Variants in MAP2 observed in about 807,000 individuals in gnomAD.
MAP2 encodes microtubule associated protein 2.
A neutral mutation model predicts 137.6 loss-of-function variants in MAP2; 14 were observed. That is an observed-to-expected ratio of 0.10 (90% CI 0.07 to 0.16). The LOEUF (loss-of-function observed/expected upper bound fraction) is 0.16, where lower values mean the gene tolerates loss of function less well. Ranked by LOEUF, MAP2 falls within the 10% of genes least tolerant of loss-of-function variation. The pLI is 1.00. For synonymous variants in MAP2, 786 were observed against 782.3 expected (o/e 1.00, Z -0.08); for missense variants, 2,088 against 2,191.5 (o/e 0.95, Z 0.94).
intron 2 of MAP2, among the ~76,000 whole-genome samples, chr2:209,513,620 C>G (rs187106852): frequency 6.7e-6 from 1 of 150,306 alleles, no homozygotes; most frequent in African/African-American, 2.4e-5. Context: ...CCCTATCTTT[C>G]TCTCTTGAAA....
intron 15 of MAP2, 69 bp from the exon 16 acceptor site, chr2:209,730,112 GA>G: frequency 7.6e-7 from 1 of 1,315,524 alleles, no homozygotes; most frequent in Non-Finnish European, 1.1e-6. Context: ...TCAGCCCTGG[GA>G]GATGGAGAAA....
intron 2 of MAP2, among the ~76,000 whole-genome samples, chr2:209,547,527 A>G (rs1559305522): frequency 6.6e-6 from 1 of 152,170 alleles, no homozygotes. Context: ...TAACAAAGAA[A>G]AAAGTGACAT....
intron 2 of MAP2, among the ~76,000 whole-genome samples, chr2:209,573,728 C>T (rs1281355477): frequency 6.6e-6 from 1 of 152,150 alleles, no homozygotes; most frequent in Non-Finnish European, 1.5e-5. Context: ...TACTTAATTT[C>T]AGAACATTTT....
chr2:209,630,400 A>C (rs570635569), intron 4 of MAP2, among the ~76,000 whole-genome samples: 33 of 152,220 alleles, frequency 2.2e-4, no homozygotes, highest in African/African-American at 7.2e-4. Context: ...CACAACTCTC[A>C]AGTGTGCTTT....
At chr2:209,672,891 G>C (rs2049491250) in intron 5 of MAP2, among the ~76,000 whole-genome samples, 1 of 151,768 alleles carries the variant, frequency 6.6e-6, no homozygotes, top group Admixed American at 6.6e-5. Context: ...GTAGTTTTTG[G>C]TGGATGACAG....
chr2:209,616,552 G>A (rs996887266), intron 3 of MAP2, among the ~76,000 whole-genome samples: 1 of 151,380 alleles, frequency 6.6e-6, no homozygotes, highest in Admixed American at 6.6e-5. Flanking sequence ...TATAACAGAG[G>A]AGCTCATCTA....
chr2:209,472,163 T>C (rs1384889737), intron 1 of MAP2, among the ~76,000 whole-genome samples: 1 of 152,212 alleles, frequency 6.6e-6, no homozygotes, highest in Non-Finnish European at 1.5e-5. Flanking sequence ...ATGGTTACAA[T>C]AGTGAAACAG....
At chr2:209,633,360 G>A (rs1471503004) in intron 4 of MAP2, among the ~76,000 whole-genome samples, 1 of 152,100 alleles carries the variant, frequency 6.6e-6, no homozygotes, top group African/African-American at 2.4e-5. Context: ...AAATGTATCT[G>A]CACTATAGAA....
chr2:209,511,804 T>G (rs1170090683), intron 2 of MAP2, among the ~76,000 whole-genome samples: 1 of 152,102 alleles, frequency 6.6e-6, no homozygotes, highest in Non-Finnish European at 1.5e-5. Context: ...ACTCCTGGCT[T>G]AAAGCGATCC....
intron 1 of MAP2, among the ~76,000 whole-genome samples, chr2:209,457,095 T>G (rs541412041): frequency 6.6e-6 from 1 of 152,366 alleles, no homozygotes; most frequent in Non-Finnish European, 1.5e-5. Flanking sequence ...AGTGTTTTAC[T>G]GTATAAAATG....
chr2:209,438,603 T>A (rs1445122271), intron 1 of MAP2, among the ~76,000 whole-genome samples: 1 of 151,590 alleles, frequency 6.6e-6, no homozygotes, highest in Non-Finnish European at 1.5e-5. Flanking sequence ...AGATTCTATA[T>A]GTTTATGGAG....
At chr2:209,710,344 G>A (rs2065001038) in intron 13 of MAP2, 90 bp downstream of exon 13, 3 of 1,142,488 alleles carry the variant, frequency 2.6e-6, no homozygotes, top group African/African-American at 3.1e-5. Context: ...TAAAAGGGAA[G>A]CAGAGGTGTT....
chr2:209,486,618 A>G (rs1244986043), intron 1 of MAP2, among the ~76,000 whole-genome samples: 3 of 152,352 alleles, frequency 2.0e-5, no homozygotes, highest in Admixed American at 1.3e-4. Context: ...CACCACTTCA[A>G]TTATACTAAA....
intron 5 of MAP2, among the ~76,000 whole-genome samples, chr2:209,659,745 A>T (rs78990899): frequency 6.6e-6 from 1 of 151,986 alleles, no homozygotes; most frequent in Non-Finnish European, 1.5e-5. Context: ...AAAAAAAAAA[A>T]TGCTGATCAC....
At chr2:209,460,682 A>G (rs1702562163) in intron 1 of MAP2, among the ~76,000 whole-genome samples, 1 of 147,140 alleles carries the variant, frequency 6.8e-6, no homozygotes, top group Admixed American at 6.9e-5. Context: ...TTTATAACAA[A>G]TTTTCTCTTT....
At chr2:209,532,033 T>C (rs1389772721) in intron 2 of MAP2, among the ~76,000 whole-genome samples, 2 of 151,952 alleles carry the variant, frequency 1.3e-5, no homozygotes, top group African/African-American at 4.8e-5. Context: ...GAGTCCAAGA[T>C]TTTGAGACCA....
chr2:209,647,628 A>G (rs948623080), intron 4 of MAP2, among the ~76,000 whole-genome samples: 15 of 152,228 alleles, frequency 9.9e-5, no homozygotes, highest in African/African-American at 3.4e-4. Context: ...CATTGGAATC[A>G]AAGGTTAATG....
In MAP2 at chr2:209,580,083, C is replaced by T. The variant is rs1361686876; in HGVS notation, c.-124C>T. On this transcript the variant is annotated 5_prime_UTR_variant, in exon 3 of 16. Transcript: ENST00000682079. ...GAGGAAGCATTGATTGGGAGCTACT[C>T]ATTCAGAAAATTAAAAGGTACCACA... The T allele has an allele frequency of 1.3e-5, 2 of 151,610 alleles. No individual in the cohort carries two copies. Among genetic ancestry groups the T allele is most frequent in the African/African-American group, 4.8e-5 (2 of 41,314 alleles). The allele number at this position is 151,610 out of a possible 1,614,324, so 9.4% of individuals were successfully genotyped here.
At chr2:209,664,962 C>CAAAAAAAAAA (rs67286716) in intron 5 of MAP2, among the ~76,000 whole-genome samples, 7 of 51,824 alleles carry the variant, frequency 1.4e-4, no homozygotes, top group Admixed American at 2.8e-4. Context: ...AACTCCGTCT[C>CAAAAAAAAAA]AAAAAAAAAA....
Sources: gnomAD v4.1 joint callset for allele counts (sites outside exome capture counted in the v4.1 genomes callset) on GRCh38, gnomAD v4.1.1 for gene constraint, MANE v1.5 for transcripts, NCBI Gene and HGNC (gene_info 2026-07-23, HGNC 2026-07-21) for gene names.